Variants in ANKHD1 observed in about 807,000 individuals in gnomAD.
ANKHD1 encodes the protein ankyrin repeat and KH domain containing 1.
ANKHD1 carries 31 observed loss-of-function variants against 230.5 expected under a neutral mutation model. That is an observed-to-expected ratio of 0.13 (90% CI 0.10 to 0.18). The LOEUF (loss-of-function observed/expected upper bound fraction) is 0.18. Ranked by LOEUF, ANKHD1 falls within the 10% of genes least tolerant of loss-of-function variation. The probability of loss-of-function intolerance (pLI) is 1.00; values close to 1 mark genes in which losing one functional copy is unlikely to be tolerated. For synonymous variants in ANKHD1, 1,074 were observed against 1,117.6 expected, an observed-to-expected ratio of 0.96 and a Z score of 0.78; for missense variants, 2,256 against 3,071.3, an observed-to-expected ratio of 0.73 and a Z score of 6.27.
chr5:140,437,846 C>T (rs9325139), intron 2 of ANKHD1, among the ~76,000 whole-genome samples: 4,818 of 152,300 alleles, frequency 0.032, 239 homozygotes, highest in African/African-American at 0.11. Context: ...TTGTCAATTT[C>T]ATAAATGAAA....
chr5:140,402,964 CTTTTTTTTTTTT>C (rs56939861), intron 1 of ANKHD1, among the ~76,000 whole-genome samples: 12 of 73,942 alleles, frequency 1.6e-4, no homozygotes, highest in Admixed American at 4.4e-4. Flanking sequence ...GAAACCTCTT[CTTTTTTTTTTTT>C]TTTTTTTTTT....
In ANKHD1 at chr5:140,506,784, A is replaced by C. The variant is rs1752559773; in HGVS notation, c.3409-51A>C. The C allele has an allele frequency of 1.3e-6, 2 of 1,593,636 alleles. No homozygotes were observed. The highest frequency in any genetic ancestry group is 2.7e-5 in the African/African-American group (2 of 73,532). On this transcript the variant is annotated intron_variant, in intron 18 of 33. Transcript: ENST00000360839. The surrounding 1 kb of genome is among the most constrained non-coding windows in gnomAD (Gnocchi z 4.7). ...GTTTCTTTGTGTTTCCTTCATTATA[A>C]GTTGAGCCCTTGGTGTAAACTCTCT... is the stretch of plus-strand genomic sequence containing the variant.
chr5:140,455,664 A>G (rs1276489332), intron 7 of ANKHD1, among the ~76,000 whole-genome samples: 1 of 152,018 alleles, frequency 6.6e-6, no homozygotes, highest in Non-Finnish European at 1.5e-5. Flanking sequence ...AAATTCAACA[A>G]CCCTTCATGC....
chr5:140,474,147 T>G (rs1386126428), intron 10 of ANKHD1, among the ~76,000 whole-genome samples: 1 of 152,218 alleles, frequency 6.6e-6, no homozygotes, highest in African/African-American at 2.4e-5. Context: ...TTAGAAAATG[T>G]GCTAAACACA....
chr5:140,430,202 A>G (rs1772926341), intron 1 of ANKHD1, among the ~76,000 whole-genome samples: 1 of 152,220 alleles, frequency 6.6e-6, no homozygotes, highest in African/African-American at 2.4e-5. Flanking sequence ...TTCAGGAGAT[A>G]TAAGGGAAAA....
chr5:140,473,721 T>A (rs1385357706), intron 10 of ANKHD1, among the ~76,000 whole-genome samples: 1 of 152,238 alleles, frequency 6.6e-6, no homozygotes, highest in East Asian at 1.9e-4. Context: ...ACATGTGAGC[T>A]TCTACTCAGT....
At chr5:140,430,449 A>G (rs989106265) in intron 1 of ANKHD1, among the ~76,000 whole-genome samples, 1 of 152,172 alleles carries the variant, frequency 6.6e-6, no homozygotes, top group Non-Finnish European at 1.5e-5. Flanking sequence ...TGTTATAGCT[A>G]TATGTAAGAA....
chr5:140,436,059 A>G, intron 1 of ANKHD1, 45 bp from the exon 2 acceptor site: 1 of 1,444,630 alleles, frequency 6.9e-7, no homozygotes, highest in South Asian at 1.6e-5. Flanking sequence ...TTCTAATCAT[A>G]TTGATATCAG....
At chr5:140,456,111 T>C (rs1259493986) in intron 7 of ANKHD1, among the ~76,000 whole-genome samples, 2 of 152,156 alleles carry the variant, frequency 1.3e-5, no homozygotes, top group Admixed American at 6.6e-5. Context: ...CCATTCACAA[T>C]TGCTTCAAAG....
chr5:140,467,425 T>C (rs906009239), intron 10 of ANKHD1, among the ~76,000 whole-genome samples: 37 of 152,184 alleles, frequency 2.4e-4, no homozygotes, highest in Admixed American at 6.6e-5. Flanking sequence ...AGCAATACTG[T>C]TCTTCATATA....
intron 10 of ANKHD1, among the ~76,000 whole-genome samples, chr5:140,475,580 AGGG>A (rs397748819): frequency 1.3e-5 from 2 of 151,980 alleles, no homozygotes; most frequent in Non-Finnish European, 1.5e-5. Flanking sequence ...ACTAAAAAAA[AGGG>A]GGGAAAAATT....
chr5:140,413,202 C>T (rs1299994003), intron 1 of ANKHD1, among the ~76,000 whole-genome samples: 1 of 152,048 alleles, frequency 6.6e-6, no homozygotes, highest in Non-Finnish European at 1.5e-5. Flanking sequence ...ACAATGAGGA[C>T]AATTAGATTG....
At chr5:140,426,074 A>G (rs1772382248) in intron 1 of ANKHD1, among the ~76,000 whole-genome samples, 2 of 152,332 alleles carry the variant, frequency 1.3e-5, no homozygotes, top group African/African-American at 4.8e-5. Context: ...TTAAAAATGT[A>G]TATTTTGGTT....
intron 8 of ANKHD1, 122 bp downstream of exon 8, chr5:140,458,984 A>ATATG (rs2126966266): frequency 5.0e-5 from 1 of 20,008 alleles, no homozygotes; most frequent in Non-Finnish European, 8.6e-5. Flanking sequence ...ATATATGCAT[A>ATATG]TATATATATA....
intron 7 of ANKHD1, among the ~76,000 whole-genome samples, chr5:140,453,317 A>G (rs181667234): frequency 1.0e-3 from 154 of 152,340 alleles, no homozygotes; most frequent in Middle Eastern, 6.8e-3. Flanking sequence ...GAACCTCCCC[A>G]ACCTAGCAAG....
In ANKHD1 at chr5:140,512,892, G is replaced by A. The variant is rs199527459; in HGVS notation, c.4169G>A (p.Cys1390Tyr). Residue 1390 changes from cysteine (C) to tyrosine (Y), a missense_variant, in exon 23 of 34, where the codon TGC (cysteine) becomes TAC (tyrosine). Physicochemically the swap from Cys to Tyr is radical, Grantham distance 194 (BLOSUM62 -2). Around this residue, in one of 13 missense-constraint regions of ANKHD1, gnomAD observed 195 missense variants for 340.3 expected, o/e 0.57. Coordinates refer to ENST00000360839, the MANE Select transcript of ANKHD1 (RefSeq NM_017747.3). ...AATCAGTTCCCTTCTGATATAGAAT[G>A]CATGAGATACATAGCAACAATTACA... is the stretch of plus-strand genomic sequence containing the variant. ...EVNQFPSDIE[C>Y]MRYIATITDK... 1.9e-6 allele frequency: 3 copies of A among 1,599,970 alleles called. No individual in the cohort carries two copies. Among genetic ancestry groups the A allele is most frequent in the Non-Finnish European group, 2.6e-6 (3 of 1,175,572 alleles).
At chr5:140,403,324 G>A (rs944515391) in intron 1 of ANKHD1, among the ~76,000 whole-genome samples, 7 of 152,070 alleles carry the variant, frequency 4.6e-5, no homozygotes, top group African/African-American at 1.7e-4. Context: ...ACTCTTCTGT[G>A]TGTACTCTAA....
Position 140,537,525 on chromosome 5 carries a change from G to T in ANKHD1, c.7164G>T (p.Gly2388=). The change falls in exon 31 of 34, where the codon GGG becomes GGT. Residue 2388 remains glycine, a synonymous_variant. Transcript: ENST00000360839. ...GGTCTGTTGCACAAGCCCCGGCGGG[G>T]ACCAGTTTTGTCGCTCCCGTTGGAC... The part of the protein sequence containing the change: ...QGGSVAQAPA[G]TSFVAPVGHS... 8 of 1,613,046 alleles carry T rather than the reference G, an allele frequency of 5.0e-6. No individual in the cohort carries two copies. The highest frequency in any genetic ancestry group is 5.9e-6 in the Non-Finnish European group (7 of 1,179,570).
At chr5:140,434,264 T>G (rs904208674) in intron 1 of ANKHD1, among the ~76,000 whole-genome samples, 2 of 152,022 alleles carry the variant, frequency 1.3e-5, no homozygotes, top group Non-Finnish European at 2.9e-5. Context: ...TCTGTAGGTA[T>G]GTGGCCTGAG....
Sources: allele counts gnomAD v4.1 joint callset (sites outside exome capture counted in the v4.1 genomes callset), GRCh38; gene constraint gnomAD v4.1.1; regional missense constraint gnomAD v4.1.1; non-coding constraint Gnocchi (gnomAD v3.1); transcripts MANE v1.5; gene names NCBI Gene and HGNC (gene_info 2026-07-23, HGNC 2026-07-21).